ADGRB3: variants seen among roughly 807,000 people sequenced by gnomAD.
ADGRB3 encodes the protein adhesion G protein-coupled receptor B3.
Under a neutral mutation model 193.4 loss-of-function variants are expected in ADGRB3, and 37 were observed. The ratio of observed to expected loss-of-function variants is 0.19; its 90% confidence interval spans 0.15 to 0.25. The LOEUF (loss-of-function observed/expected upper bound fraction) is 0.25. ADGRB3 is among the 10% of genes least tolerant of loss of function. The pLI is 1.00. For missense variants in ADGRB3, 1,637 were observed against 1,852.9 expected (o/e 0.88, Z 2.14); for synonymous variants, 690 against 644.2 (o/e 1.07, Z -1.08).
At chr6:69,336,771 G>T (rs1768859422) in intron 24 of ADGRB3, among the ~76,000 whole-genome samples, 1 of 151,986 alleles carries the variant, frequency 6.6e-6, no homozygotes, top group Admixed American at 6.6e-5. Flanking sequence ...AAAGAAACAA[G>T]ATCTCATTTT....
At chr6:68,782,128 C>A (rs978305622) in intron 3 of ADGRB3, among the ~76,000 whole-genome samples, 16 of 116,272 alleles carry the variant, frequency 1.4e-4, no homozygotes, top group African/African-American at 1.3e-4. Context: ...CCCCTCCCCC[C>A]ACCCCACAAC....
At chr6:68,716,251 T>C (rs1765487570) in intron 3 of ADGRB3, among the ~76,000 whole-genome samples, 2 of 151,744 alleles carry the variant, frequency 1.3e-5, no homozygotes, top group Admixed American at 1.3e-4. Flanking sequence ...TTAATTAAAA[T>C]ATAGGGTAGG....
intron 17 of ADGRB3, among the ~76,000 whole-genome samples, chr6:69,186,755 G>A (rs1765079250): frequency 1.3e-5 from 2 of 151,964 alleles, no homozygotes. Context: ...CAGTCTGTAA[G>A]AGTATGTAAA....
At position 69,272,758 on chromosome 6, in the gene ADGRB3, G is replaced by A. The variant is rs575286167; in HGVS notation, c.2814+33532G>A. Among the ~76,000 whole-genome samples, 258 of 152,300 alleles carry A rather than the reference G, an allele frequency of 1.7e-3. 2 individuals are homozygous for A. The highest frequency in any genetic ancestry group is 3.0e-3 in the Non-Finnish European group (204 of 68,028). The stretch of plus-strand genomic sequence containing the variant: ...AGATGATGACTTCTCAAGTAGGGTA[G>A]CTGTAAAGGGATTGGTGCTTTTGGG... On this transcript the variant is annotated intron_variant, in intron 20 of 31. Coordinates refer to ENST00000370598, the MANE Select transcript of ADGRB3 (RefSeq NM_001704.3).
At position 69,085,864 on chromosome 6, in the gene ADGRB3, A is replaced by T. The variant is rs534519643; in HGVS notation, c.2480+9826A>T. Among the ~76,000 whole-genome samples, 81 of 151,928 alleles carry T rather than the reference A, an allele frequency of 5.3e-4. 1 individual carries two copies. Among genetic ancestry groups the T allele is most frequent in the African/African-American group, 1.8e-3 (76 of 41,556 alleles). Reference sequence around the variant, plus strand: ...TAGATTTGAATGAACATCGGTAAAGATAAGATAAATTTAAAGAAAATTATT... The same window carrying T: ...TAGATTTGAATGAACATCGGTAAAGTTAAGATAAATTTAAAGAAAATTATT... On this transcript the variant is annotated intron_variant, in intron 17 of 31. Transcript: ENST00000370598.
chr6:68,739,138 T>C (rs193245743), intron 3 of ADGRB3, among the ~76,000 whole-genome samples: 20 of 152,284 alleles, frequency 1.3e-4, no homozygotes, highest in Admixed American at 5.9e-4. Flanking sequence ...ATGATGACCT[T>C]ACCAACAATA....
At chr6:69,060,250 C>CTCT (rs370197043) in intron 15 of ADGRB3, among the ~76,000 whole-genome samples, 2 of 138,406 alleles carry the variant, frequency 1.4e-5, no homozygotes, top group South Asian at 2.3e-4. Flanking sequence ...CTCTCTCTCT[C>CTCT]CTCCTCTGTC....
chr6:68,853,217 T>C (rs1478150546), intron 3 of ADGRB3, among the ~76,000 whole-genome samples: 1 of 152,064 alleles, frequency 6.6e-6, no homozygotes, highest in African/African-American at 2.4e-5. Flanking sequence ...TTATGATATA[T>C]CTTTGTACAA....
At chr6:69,103,810 C>T (rs1773134617) in intron 17 of ADGRB3, among the ~76,000 whole-genome samples, 1 of 150,156 alleles carries the variant, frequency 6.7e-6, no homozygotes, top group African/African-American at 2.4e-5. Context: ...TATAAAGTCA[C>T]ATATATTAAG....
chr6:68,820,358 G>A (rs1767726664), intron 3 of ADGRB3, among the ~76,000 whole-genome samples: 1 of 151,628 alleles, frequency 6.6e-6, no homozygotes, highest in Admixed American at 6.6e-5. Context: ...ATTTTTAAGA[G>A]TATATAGTAG....
intron 3 of ADGRB3, among the ~76,000 whole-genome samples, chr6:68,691,172 A>AT (rs1473163116): frequency 2.6e-5 from 4 of 152,112 alleles, no homozygotes; most frequent in Non-Finnish European, 5.9e-5. Context: ...GAATATTTGA[A>AT]TGGATCTTAA....
chr6:68,801,734 A>G (rs1767315433), intron 3 of ADGRB3, among the ~76,000 whole-genome samples: 1 of 152,220 alleles, frequency 6.6e-6, no homozygotes, highest in East Asian at 1.9e-4. Context: ...AATAAATCCT[A>G]TATCCAGATA....
At chr6:69,132,212 A>G (rs1774029907) in intron 17 of ADGRB3, among the ~76,000 whole-genome samples, 2 of 152,214 alleles carry the variant, frequency 1.3e-5, no homozygotes, top group African/African-American at 4.8e-5. Context: ...ACTGTCCTCC[A>G]TAATGGTTGA....
chr6:69,097,106 T>TAC (rs968167281), intron 17 of ADGRB3, among the ~76,000 whole-genome samples: 68 of 152,346 alleles, frequency 4.5e-4, no homozygotes, highest in African/African-American at 1.6e-3. Flanking sequence ...AACTAAATAC[T>TAC]ACAGTCTGTT....
intron 20 of ADGRB3, among the ~76,000 whole-genome samples, chr6:69,243,072 A>G (rs898860364): frequency 2.0e-5 from 3 of 151,938 alleles, no homozygotes; most frequent in Non-Finnish European, 4.4e-5. Flanking sequence ...TATCATATTG[A>G]AGATTTCATA....
intron 17 of ADGRB3, among the ~76,000 whole-genome samples, chr6:69,111,649 A>T (rs1191102418): frequency 6.6e-6 from 1 of 152,194 alleles, no homozygotes; most frequent in African/African-American, 2.4e-5. Context: ...CTACTTTTTT[A>T]GTCAGTTTGA....
At chr6:68,884,599 A>G (rs1179807272) in intron 3 of ADGRB3, among the ~76,000 whole-genome samples, 2 of 152,180 alleles carry the variant, frequency 1.3e-5, no homozygotes, top group African/African-American at 4.8e-5. Flanking sequence ...GGTTGGAGAC[A>G]GTGGGCAGAA....
intron 17 of ADGRB3, among the ~76,000 whole-genome samples, chr6:69,158,435 CAAAAA>C (rs371530711): frequency 2.2e-4 from 32 of 146,370 alleles, no homozygotes; most frequent in African/African-American, 7.7e-4. Flanking sequence ...AAAGTTCAGC[CAAAAA>C]AAAAAATAAG....
intron 3 of ADGRB3, among the ~76,000 whole-genome samples, chr6:68,922,211 C>G (rs1301840578): frequency 6.6e-6 from 1 of 152,074 alleles, no homozygotes; most frequent in Non-Finnish European, 1.5e-5. Flanking sequence ...TGCTGAGAAT[C>G]CTGTGTGGAA....
Sources: gnomAD v4.1 joint callset for allele counts (sites outside exome capture counted in the v4.1 genomes callset) on GRCh38, gnomAD v4.1.1 for gene constraint, MANE v1.5 for transcripts, NCBI Gene and HGNC (gene_info 2026-07-23, HGNC 2026-07-21) for gene names.